Variants in TCERG1L observed in about 807,000 individuals in gnomAD.
TCERG1L encodes transcription elongation regulator 1 like.
TCERG1L carries 37 observed loss-of-function variants against 56.3 expected under a neutral mutation model. The observed-to-expected ratio is 0.66, with a 90% CI of 0.51 to 0.87. TCERG1L has a LOEUF of 0.87. Ranked by LOEUF, TCERG1L falls within the 40% of genes least tolerant of loss-of-function variation. TCERG1L has a pLI of 0.00. For synonymous variants in TCERG1L, 324 were observed against 326.3 expected (o/e 0.99, Z 0.08); for missense variants, 799 against 774.2 (o/e 1.03, Z -0.38).
chr10:131,239,265 C>T (rs1845946684), intron 4 of TCERG1L, among the ~76,000 whole-genome samples: 1 of 152,116 alleles, frequency 6.6e-6, no homozygotes, highest in Non-Finnish European at 1.5e-5. Context: ...AATAAACAAC[C>T]ACCCATAAAT....
At chr10:131,163,061 G>T in intron 6 of TCERG1L, 61 bp downstream of exon 6, 2 of 1,332,120 alleles carry the variant, frequency 1.5e-6, no homozygotes, top group South Asian at 1.5e-5. Context: ...GGTGACATCA[G>T]GCAAATGCCA....
intron 3 of TCERG1L, among the ~76,000 whole-genome samples, chr10:131,295,952 T>C (rs1846685406): frequency 6.6e-6 from 1 of 152,188 alleles, no homozygotes; most frequent in Non-Finnish European, 1.5e-5. Flanking sequence ...TCCATTTCTG[T>C]TGGATTTTTT....
intron 2 of TCERG1L, among the ~76,000 whole-genome samples, chr10:131,308,736 T>A (rs1846843533): frequency 6.6e-6 from 1 of 152,190 alleles, no homozygotes; most frequent in Non-Finnish European, 1.5e-5. Flanking sequence ...CAAAATGTAG[T>A]CAGTAAATTT....
intron 6 of TCERG1L, among the ~76,000 whole-genome samples, chr10:131,155,791 G>A (rs768303498): frequency 6.6e-6 from 1 of 152,054 alleles, no homozygotes; most frequent in Admixed American, 6.5e-5. Flanking sequence ...CACAGCCCAC[G>A]GCCCACCCCC....
chr10:131,263,904 T>G (rs1846258019), intron 3 of TCERG1L, among the ~76,000 whole-genome samples: 1 of 152,242 alleles, frequency 6.6e-6, no homozygotes, highest in African/African-American at 2.4e-5. Flanking sequence ...TTAGTGGGCC[T>G]CTGAGTGAGC....
At chr10:131,233,138 C>G (rs1845870070) in intron 4 of TCERG1L, among the ~76,000 whole-genome samples, 1 of 152,150 alleles carries the variant, frequency 6.6e-6, no homozygotes, top group African/African-American at 2.4e-5. Flanking sequence ...CAAAAGGTGA[C>G]TTTTTCTATT....
At chr10:131,128,465 G>T (rs1845584723) in intron 8 of TCERG1L, among the ~76,000 whole-genome samples, 1 of 152,142 alleles carries the variant, frequency 6.6e-6, no homozygotes, top group Non-Finnish European at 1.5e-5. Context: ...GAATCACCAA[G>T]ATTTAGTTCT....
At chr10:131,234,249 C>G (rs1845888278) in intron 4 of TCERG1L, among the ~76,000 whole-genome samples, 2 of 152,208 alleles carry the variant, frequency 1.3e-5, no homozygotes, top group South Asian at 4.1e-4. Flanking sequence ...AACCCCAACC[C>G]ATCGCATCTG....
At chr10:131,197,991 T>A (rs182361548) in intron 4 of TCERG1L, among the ~76,000 whole-genome samples, 1 of 152,334 alleles carries the variant, frequency 6.6e-6, no homozygotes, top group East Asian at 1.9e-4. Context: ...TTTTCTATAG[T>A]AGAATAGATA....
intron 3 of TCERG1L, among the ~76,000 whole-genome samples, chr10:131,279,309 G>C (rs1404413909): frequency 3.3e-5 from 5 of 152,190 alleles, no homozygotes; most frequent in African/African-American, 1.2e-4. Flanking sequence ...GAGGGAAAAG[G>C]CCTGGGCAGG....
chr10:131,174,305 C>T (rs185140931), intron 4 of TCERG1L, among the ~76,000 whole-genome samples: 8 of 152,366 alleles, frequency 5.3e-5, no homozygotes, highest in East Asian at 1.9e-4. Context: ...CCCAGCATCA[C>T]GCCCGGCCGC....
At chr10:131,306,703 A>G (rs2133587107) in intron 3 of TCERG1L, among the ~76,000 whole-genome samples, 1 of 152,264 alleles carries the variant, frequency 6.6e-6, no homozygotes, top group Non-Finnish European at 1.5e-5. Context: ...TACATCCAAA[A>G]ATCAAAGAAG....
chr10:131,109,534 C>T (rs150651100), intron 9 of TCERG1L, among the ~76,000 whole-genome samples: 3 of 152,188 alleles, frequency 2.0e-5, no homozygotes, highest in Admixed American at 1.3e-4. Context: ...AGTGGGAGAA[C>T]AACAGGGTCT....
intron 7 of TCERG1L, among the ~76,000 whole-genome samples, chr10:131,143,780 G>A (rs1479510567): frequency 1.3e-5 from 2 of 152,060 alleles, no homozygotes; most frequent in African/African-American, 4.8e-5. Context: ...GGTGAAGCCT[G>A]GCACTTCTCA....
chr10:131,217,934 C>T (rs1845688915), intron 4 of TCERG1L, among the ~76,000 whole-genome samples: 2 of 152,026 alleles, frequency 1.3e-5, no homozygotes, highest in Non-Finnish European at 2.9e-5. Context: ...CCATGTTAGC[C>T]AGGATGGTCT....
chr10:131,275,916 C>T (rs1846387432), intron 3 of TCERG1L, among the ~76,000 whole-genome samples: 1 of 152,082 alleles, frequency 6.6e-6, no homozygotes, highest in African/African-American at 2.4e-5. Flanking sequence ...TGCACGCACC[C>T]CCAGGTTGGC....
At chr10:131,094,547 C>T (rs1845221263) in intron 11 of TCERG1L, among the ~76,000 whole-genome samples, 1 of 152,208 alleles carries the variant, frequency 6.6e-6, no homozygotes. Flanking sequence ...TTCCCCAAGG[C>T]GCTGCCGTTT....
rs781781618 is a variant in TCERG1L at position 131,308,411 on chromosome 10, G to A, written c.490-20C>T. ...AAAGATCTGTCGAAAAATAATGCAA[G>A]CATAACACTGAAGGCAAGGTGCATG... On this transcript the variant is annotated intron_variant, in intron 2 of 11. Coordinates refer to ENST00000368642, the MANE Select transcript of TCERG1L (RefSeq NM_174937.4). The A allele has an allele frequency of 1.9e-6, 3 of 1,606,560 alleles. No homozygotes were observed. The highest frequency in any genetic ancestry group is 2.6e-6 in the Non-Finnish European group (3 of 1,174,540).
At position 131,311,543 on chromosome 10, in the gene TCERG1L, T is replaced by G; in HGVS notation, c.93A>C (p.Ala31=). The change falls in exon 1 of 12, where the codon GCA becomes GCC. Residue 31 remains alanine, a synonymous_variant. Coordinates refer to ENST00000368642, the MANE Select transcript of TCERG1L (RefSeq NM_174937.4). The surrounding 1 kb of genome is among the most constrained non-coding windows in gnomAD (Gnocchi z 4.0). ...CCCAGGGCGGCGGCGGCGGCGGCTCTGCGTCCATCGGCCAGAGGAGAGGCT... is the reference window on the plus strand; with the variant it reads ...CCCAGGGCGGCGGCGGCGGCGGCTCGGCGTCCATCGGCCAGAGGAGAGGCT... ...RRQPLLWPMD[A]EPPPPPPWVW... 8.5e-7 allele frequency: 1 copy of G among 1,173,356 alleles called. No individual in the cohort carries two copies. Among genetic ancestry groups the G allele is most frequent in the South Asian group, 3.3e-5 (1 of 30,370 alleles). The allele number at this position is 1,173,356 out of a possible 1,614,324, so 72.7% of individuals were successfully genotyped here.
Sources: gnomAD v4.1 joint callset for allele counts (sites outside exome capture counted in the v4.1 genomes callset) on GRCh38, gnomAD v4.1.1 for gene constraint, Gnocchi (gnomAD v3.1) non-coding constraint, MANE v1.5 for transcripts, NCBI Gene and HGNC (gene_info 2026-07-23, HGNC 2026-07-21) for gene names.